The following RAPGEF4 variants were observed in gnomAD, a reference collection of about 807,000 sequenced individuals.
RAPGEF4 encodes Rap guanine nucleotide exchange factor 4.
Under a neutral mutation model 147.9 loss-of-function variants are expected in RAPGEF4, and 66 were observed. That is an observed-to-expected ratio of 0.45 (90% CI 0.37 to 0.55). The LOEUF is 0.55. Ranked by LOEUF, RAPGEF4 falls within the 20% of genes least tolerant of loss-of-function variation. The pLI is 0.00. For missense variants in RAPGEF4, 1,071 were observed against 1,257.3 expected, an observed-to-expected ratio of 0.85 and a Z score of 2.24; for synonymous variants, 419 against 442.7, an observed-to-expected ratio of 0.95 and a Z score of 0.67.
At chr2:172,961,003 G>A (rs527851500) in intron 7 of RAPGEF4, 119 bp from the exon 8 acceptor site, 58 of 893,574 alleles carry the variant, frequency 6.5e-5, no homozygotes, top group Non-Finnish European at 5.8e-5. Flanking sequence ...AAAGCACTGA[G>A]TGAGTTATGT....
intron 4 of RAPGEF4, among the ~76,000 whole-genome samples, chr2:172,832,121 C>T (rs1690420945): frequency 6.6e-6 from 1 of 152,164 alleles, no homozygotes; most frequent in African/African-American, 2.4e-5. Context: ...GAAATATTGC[C>T]TTTGTTTATT....
chr2:173,012,784 A>C (rs1695147251), intron 17 of RAPGEF4, among the ~76,000 whole-genome samples: 1 of 152,202 alleles, frequency 6.6e-6, no homozygotes, highest in Non-Finnish European at 1.5e-5. Flanking sequence ...GTGAACCAGT[A>C]CATATTTTTC....
At chr2:172,870,934 C>T (rs940001374) in intron 4 of RAPGEF4, among the ~76,000 whole-genome samples, 5 of 152,154 alleles carry the variant, frequency 3.3e-5, no homozygotes, top group African/African-American at 1.2e-4. Flanking sequence ...GCACCTTTAA[C>T]TCAATTCTAA....
At chr2:173,001,993 C>CAAAAAAAAAAAAAAAAAAACAAAA (rs1693973356) in intron 17 of RAPGEF4, among the ~76,000 whole-genome samples, 1 of 79,312 alleles carries the variant, frequency 1.3e-5, no homozygotes, top group Non-Finnish European at 2.5e-5. Flanking sequence ...GTGATGCTGG[C>CAAAAAAAAAAAAAAAAAAACAAAA]AAAAAAAAAA....
intron 4 of RAPGEF4, among the ~76,000 whole-genome samples, chr2:172,822,428 C>T (rs965009544): frequency 2.6e-5 from 4 of 152,184 alleles, no homozygotes; most frequent in African/African-American, 9.7e-5. Flanking sequence ...TTGCCTGTAG[C>T]TCTCAGACTC....
chr2:172,924,057 G>A (rs868156444), intron 6 of RAPGEF4, among the ~76,000 whole-genome samples: 5 of 152,188 alleles, frequency 3.3e-5, no homozygotes, highest in Non-Finnish European at 7.3e-5. Flanking sequence ...CCACCATTTT[G>A]GACATGGATG....
chr2:172,804,424 T>A (rs1687279024), intron 3 of RAPGEF4, among the ~76,000 whole-genome samples: 1 of 152,234 alleles, frequency 6.6e-6, no homozygotes, highest in Non-Finnish European at 1.5e-5. Flanking sequence ...CATGTAGTAG[T>A]AACTGTTCAT....
chr2:172,956,152 C>A (rs995811666), intron 6 of RAPGEF4, among the ~76,000 whole-genome samples: 2 of 152,190 alleles, frequency 1.3e-5, no homozygotes, highest in Non-Finnish European at 2.9e-5. Flanking sequence ...TTCTGGGACA[C>A]CCTCCAGGGT....
chr2:172,743,786 C>T (rs1360755936), intron 1 of RAPGEF4, among the ~76,000 whole-genome samples: 1 of 152,098 alleles, frequency 6.6e-6, no homozygotes, highest in Admixed American at 6.6e-5. Context: ...AGTTACTACC[C>T]GAGGCCCGGG....
At chr2:172,791,285 AT>A (rs1191447894) in intron 1 of RAPGEF4, among the ~76,000 whole-genome samples, 3 of 152,210 alleles carry the variant, frequency 2.0e-5, no homozygotes, top group African/African-American at 7.2e-5. Flanking sequence ...ATGCATGGAA[AT>A]AAGGGGGGCA....
chr2:172,955,515 G>A (rs112514031), intron 6 of RAPGEF4, among the ~76,000 whole-genome samples: 2,376 of 152,236 alleles, frequency 0.016, 65 homozygotes, highest in African/African-American at 0.055. Flanking sequence ...CCCCTGCCTC[G>A]CGGTTTTAGG....
At position 173,032,889 on chromosome 2, in the gene RAPGEF4, C is replaced by A. The variant is rs115924153; in HGVS notation, c.2650-1025C>A. ...GGCTTCACTGTTCAAAGCCTCCTCC[C>A]AGATGACCCAGGAGTCTCTGAGACC... On this transcript the variant is annotated intron_variant, in intron 26 of 30. Coordinates refer to ENST00000397081, the MANE Select transcript of RAPGEF4 (RefSeq NM_007023.4). Among the ~76,000 whole-genome samples, 947 of 152,290 alleles carry A rather than the reference C, an allele frequency of 6.2e-3. 12 individuals carry two copies. Among genetic ancestry groups the A allele is most frequent in the African/African-American group, 0.021 (868 of 41,560 alleles).
In RAPGEF4 at chr2:172,865,485, A is replaced by G. The variant is rs2149791954; in HGVS notation, c.444+51060A>G. ...TTCTTGAGGAGTCAGCCAAGACCAA[A>G]AAGGGCACTAGTCTTAAAATATATA... is the stretch of plus-strand genomic sequence containing the variant. On this transcript the variant is annotated intron_variant, in intron 4 of 30. Transcript: ENST00000397081. Among the ~76,000 whole-genome samples, 3 of 152,304 alleles carry G rather than the reference A, an allele frequency of 2.0e-5. No individual in the cohort carries two copies. In the Middle Eastern group the frequency reaches 0.01, roughly 518 times the overall value.
Position 172,922,312 on chromosome 2 carries a change from C to T in RAPGEF4, c.537+12C>T, listed in dbSNP as rs1273806460. The T allele has an allele frequency of 6.2e-7, 1 of 1,600,366 alleles. No individual in the cohort carries two copies. The highest frequency in any genetic ancestry group is 8.6e-7 in the Non-Finnish European group (1 of 1,167,732). Reference sequence around the variant, plus strand: ...CTGACAAGGAGAACGTGAGTAGCTACTCTCTCTGCCTATCTTCTAAAAATT... The same window carrying T: ...CTGACAAGGAGAACGTGAGTAGCTATTCTCTCTGCCTATCTTCTAAAAATT... On this transcript the variant is annotated intron_variant, in intron 6 of 30. Transcript: ENST00000397081.
chr2:172,854,283 T>C (rs541694488), intron 4 of RAPGEF4, among the ~76,000 whole-genome samples: 1 of 152,146 alleles, frequency 6.6e-6, no homozygotes, highest in East Asian at 1.9e-4. Flanking sequence ...GCATTTATTA[T>C]TTTTATTTCT....
chr2:172,746,950 A>C (rs1371356547), intron 1 of RAPGEF4, among the ~76,000 whole-genome samples: 2 of 151,772 alleles, frequency 1.3e-5, no homozygotes, highest in Non-Finnish European at 2.9e-5. Flanking sequence ...AGTTCAAGAA[A>C]CCCCCCCTTA....
At chr2:173,001,175 C>A in intron 16 of RAPGEF4, 91 bp from the exon 17 acceptor site, 2 of 1,567,366 alleles carry the variant, frequency 1.3e-6, no homozygotes, top group Admixed American at 1.8e-5. Context: ...GTGTTAGAAC[C>A]AATGACTAAG....
At chr2:172,998,876 G>T (rs188853947) in intron 16 of RAPGEF4, among the ~76,000 whole-genome samples, 1 of 152,244 alleles carries the variant, frequency 6.6e-6, no homozygotes, top group African/African-American at 2.4e-5. Context: ...TATATATTCT[G>T]GTACATTAGA....
At chr2:173,024,744 G>T (rs551611285) in intron 23 of RAPGEF4, among the ~76,000 whole-genome samples, 31 of 152,290 alleles carry the variant, frequency 2.0e-4, no homozygotes, top group African/African-American at 6.3e-4. Context: ...AGAGTCACTT[G>T]CTCTCTAAAG....
Sources: allele counts gnomAD v4.1 joint callset (sites outside exome capture counted in the v4.1 genomes callset), GRCh38; gene constraint gnomAD v4.1.1; transcripts MANE v1.5; gene names NCBI Gene and HGNC (gene_info 2026-07-23, HGNC 2026-07-21).